The following IAPP variants were observed in gnomAD, a reference collection of about 807,000 sequenced individuals.
The protein encoded by IAPP is Islet amyloid polypeptide (diabetes-associated peptide; amylin).
Under a neutral mutation model 2.9 loss-of-function variants are expected in IAPP, and 4 were observed. That is an observed-to-expected ratio of 1.39 (90% confidence interval 0.69 to 3.19). IAPP has a LOEUF of 3.19. Ranked by LOEUF, IAPP falls within the 30% of genes most tolerant of loss-of-function variation. The pLI is 0.01. For synonymous variants in IAPP, 40 were observed against 42.1 expected, an observed-to-expected ratio of 0.95 and a Z score of 0.19; for missense variants, 114 against 105.3, an observed-to-expected ratio of 1.08 and a Z score of -0.36.
intron 1 of IAPP, among the ~76,000 whole-genome samples, chr12:21,360,123 A>T (rs1338982412): frequency 3.9e-5 from 6 of 152,174 alleles, no homozygotes; most frequent in Non-Finnish European, 4.4e-5. Context: ...AGCAGCAGTT[A>T]CCTGAGGAGT....
intron 1 of IAPP, among the ~76,000 whole-genome samples, chr12:21,359,505 C>T (rs1383553479): frequency 6.6e-6 from 1 of 152,156 alleles, no homozygotes; most frequent in Non-Finnish European, 1.5e-5. Context: ...AATAACCTTG[C>T]AATGAAATCC....
chr12:21,360,177 C>T (rs1262006672), intron 1 of IAPP, among the ~76,000 whole-genome samples: 6 of 152,002 alleles, frequency 3.9e-5, no homozygotes, highest in Non-Finnish European at 8.8e-5. Flanking sequence ...ACGAGATAAA[C>T]TAAAAAAGGT....
In IAPP at chr12:21,379,946, A is replaced by G. The variant is rs1306485097; in HGVS notation, c.*1520A>G. On this transcript the variant is annotated 3_prime_UTR_variant, in exon 3 of 3. Transcript: ENST00000240652. ...TAATAAATTCTATGTCATGAATTAC[A>G]TATTGAAATAAATAGGTGAATATAC... 1 of 152,204 alleles carries G rather than the reference A, an allele frequency of 6.6e-6. No individual in the cohort carries two copies. Among genetic ancestry groups the G allele is most frequent in the African/African-American group, 2.4e-5 (1 of 41,458 alleles). The allele number at this position is 152,204 out of a possible 1,614,324, so 9.4% of individuals were successfully genotyped here. A position where few individuals can be genotyped will look rare whatever the true frequency, so the allele number is the denominator to read the frequency against.
upstream of IAPP, among the ~76,000 whole-genome samples, chr12:21,368,959 TGAAATGTAGAAACAGCTAAAATAAA>T (rs1334241446): frequency 6.6e-6 from 1 of 152,104 alleles, no homozygotes; most frequent in African/African-American, 2.4e-5. Flanking sequence ...TAAATATTTT[TGAAATGTAGAAACAGCTAAAATAAA>T]GAAATGTAGA....
intron 1 of IAPP, among the ~76,000 whole-genome samples, chr12:21,364,281 A>C (rs191118763): frequency 6.0e-4 from 92 of 152,326 alleles, no homozygotes; most frequent in African/African-American, 2.2e-3. Flanking sequence ...ATATAAACAG[A>C]ACCAAAGACA....
Position 21,373,651 on chromosome 12 carries a change from G to C in IAPP, c.80+220G>C, listed in dbSNP as rs576447605. 52 of 701,700 alleles carry C rather than the reference G, an allele frequency of 7.4e-5. No individual in the cohort carries two copies. In the African/African-American group the frequency reaches 8.7e-4, roughly 12 times the overall value. The allele number at this position is 701,700 out of a possible 1,614,324, so 43.5% of individuals were successfully genotyped here. A position where few individuals can be genotyped will look rare whatever the true frequency, so the allele number is the denominator to read the frequency against. ...ATGGAACTTCTGACAGACAGGAATG[G>C]ATAATTCCAGTTTTGTCAAGAAATA... On this transcript the variant is annotated intron_variant, in intron 2 of 2. Coordinates refer to ENST00000240652, the MANE Select transcript of IAPP (RefSeq NM_000415.3).
intron 1 of IAPP, among the ~76,000 whole-genome samples, chr12:21,362,358 T>C (rs1427190105): frequency 6.6e-6 from 1 of 152,152 alleles, no homozygotes; most frequent in Non-Finnish European, 1.5e-5. Context: ...CTGAGAGATT[T>C]TGTCACCACC....
Position 21,372,996 on chromosome 12 carries a change from C to T in IAPP, c.-24C>T, listed in dbSNP as rs1231551827. Reference sequence around the variant, plus strand: ...TTTGCTGATATTGCTGACATTGAAACATTAAAAGGTAAAGAATTTCCTATT... The same window carrying T: ...TTTGCTGATATTGCTGACATTGAAATATTAAAAGGTAAAGAATTTCCTATT... On this transcript the variant is annotated 5_prime_UTR_variant, in exon 1 of 3. Coordinates refer to ENST00000240652, the MANE Select transcript of IAPP (RefSeq NM_000415.3). 1 of 268,834 alleles carries T rather than the reference C, an allele frequency of 3.7e-6. No homozygotes were observed. Among genetic ancestry groups the T allele is most frequent in the Non-Finnish European group, 7.1e-6 (1 of 140,868 alleles). 16.7% of individuals were successfully genotyped at this position (268,834 alleles called of 1,614,324 possible). A position where few individuals can be genotyped will look rare whatever the true frequency, so the allele number is the denominator to read the frequency against.
At position 21,376,938 on chromosome 12, in the gene IAPP, C is replaced by G. The variant is rs545406538; in HGVS notation, c.81-1299C>G. On this transcript the variant is annotated intron_variant, in intron 2 of 2. Coordinates refer to ENST00000240652, the MANE Select transcript of IAPP (RefSeq NM_000415.3). ...TTTCTCTAACTTTCCTAATAATCAG[C>G]AAAGAGGAAGCAATGTTATTATTCT... Among the ~76,000 whole-genome samples, 492 of 152,068 alleles carry G rather than the reference C, an allele frequency of 3.2e-3. 6 individuals carry two copies. Among genetic ancestry groups the G allele is most frequent in the African/African-American group, 0.011 (469 of 41,508 alleles).
upstream of IAPP, among the ~76,000 whole-genome samples, chr12:21,368,699 G>C (rs1468606942): frequency 6.6e-6 from 1 of 152,064 alleles, no homozygotes; most frequent in South Asian, 2.1e-4. Flanking sequence ...GGAATATAGA[G>C]TGAGCAAGAT....
At chr12:21,375,450 A>G (rs1326985521) in intron 2 of IAPP, among the ~76,000 whole-genome samples, 4 of 152,212 alleles carry the variant, frequency 2.6e-5, no homozygotes, top group Non-Finnish European at 5.9e-5. Context: ...TAAAACTAAC[A>G]TTATTCAATG....
upstream of IAPP, among the ~76,000 whole-genome samples, chr12:21,369,630 T>C (rs1939640173): frequency 6.6e-6 from 1 of 152,198 alleles, no homozygotes; most frequent in Non-Finnish European, 1.5e-5. Context: ...CGGGACAGTT[T>C]TTCTCCAACT....
intron 2 of IAPP, among the ~76,000 whole-genome samples, chr12:21,375,172 G>A (rs76022674): frequency 1.3e-5 from 2 of 152,220 alleles, no homozygotes; most frequent in East Asian, 3.9e-4. Context: ...CTTAGAAATA[G>A]AGCAATATGT....
chr12:21,365,591 A>T (rs1214342136), intron 1 of IAPP, among the ~76,000 whole-genome samples: 1 of 152,238 alleles, frequency 6.6e-6, no homozygotes, highest in African/African-American at 2.4e-5. Flanking sequence ...AAAAGAAACT[A>T]CCATCAGAGT....
intron 1 of IAPP, among the ~76,000 whole-genome samples, chr12:21,362,589 G>A (rs937505122): frequency 1.3e-5 from 2 of 152,074 alleles, no homozygotes; most frequent in African/African-American, 4.8e-5. Context: ...GCTCCAATTA[G>A]AAGACACAGA....
chr12:21,372,939 C>A lies in IAPP; in HGVS notation c.-81C>A, dbSNP rs372824285. 3.4e-5 allele frequency: 8 copies of A among 235,480 alleles called. No individual in the cohort carries two copies. The highest frequency in any genetic ancestry group is 1.7e-3 in the Middle Eastern group (1 of 584). 14.6% of individuals were successfully genotyped at this position (235,480 alleles called of 1,614,324 possible). On this transcript the variant is annotated 5_prime_UTR_variant, in exon 1 of 3. Transcript: ENST00000240652. Reference sequence around the variant, plus strand: ...ATTCCAGTGGATACAAGCTTGGACTCTTTTCTTGAAGCTTTCTTTCTATCA... The same window carrying A: ...ATTCCAGTGGATACAAGCTTGGACTATTTTCTTGAAGCTTTCTTTCTATCA...
chr12:21,368,135 A>G (rs1429112425), upstream of IAPP, among the ~76,000 whole-genome samples: 2 of 152,152 alleles, frequency 1.3e-5, no homozygotes, highest in Admixed American at 6.5e-5. Flanking sequence ...TAACCTCATA[A>G]AAGATATTAT....
At chr12:21,360,815 G>T (rs899594632) in intron 1 of IAPP, among the ~76,000 whole-genome samples, 3 of 152,208 alleles carry the variant, frequency 2.0e-5, no homozygotes, top group African/African-American at 7.2e-5. Context: ...AGATGGAACT[G>T]CAAGGCAGCA....
intron 1 of IAPP, 164 bp downstream of exon 1, chr12:21,373,168 A>T: frequency 1.6e-6 from 1 of 608,226 alleles, no homozygotes; most frequent in East Asian, 2.8e-5. Flanking sequence ...AAATCTCGAA[A>T]TTACTTGAAA....
Sources: gnomAD v4.1 joint callset for allele counts (sites outside exome capture counted in the v4.1 genomes callset) on GRCh38, gnomAD v4.1.1 for gene constraint, MANE v1.5 for transcripts, NCBI Gene and HGNC (gene_info 2026-07-23, HGNC 2026-07-21) for gene names.